Variants in PLEKHA6 observed in about 807,000 individuals in gnomAD.
PLEKHA6 encodes the protein pleckstrin homology domain-containing family A member 6.
PLEKHA6 carries 60 observed loss-of-function variants against 116.7 expected under a neutral mutation model. That is an observed-to-expected ratio of 0.51 (90% CI 0.42 to 0.64). The LOEUF is 0.64. Among genes scored for constraint, PLEKHA6 ranks in the 30% least tolerant of loss-of-function variants. PLEKHA6 has a pLI of 0.00. For synonymous variants in PLEKHA6, 489 were observed against 556.1 expected, an observed-to-expected ratio of 0.88 and a Z score of 1.70; for missense variants, 1,338 against 1,422.7, an observed-to-expected ratio of 0.94 and a Z score of 0.96.
At chr1:204,316,311 C>T (rs1462869460) in intron 1 of PLEKHA6, among the ~76,000 whole-genome samples, 1 of 152,166 alleles carries the variant, frequency 6.6e-6, no homozygotes, top group South Asian at 2.1e-4. Context: ...TTTCTCGATA[C>T]AGGATGTGGA....
At chr1:204,291,678 A>T (rs1669773958) in intron 1 of PLEKHA6, among the ~76,000 whole-genome samples, 1 of 152,250 alleles carries the variant, frequency 6.6e-6, no homozygotes, top group Non-Finnish European at 1.5e-5. Context: ...GCTTTCTTGA[A>T]ATAAAAGTAT....
intron 1 of PLEKHA6, among the ~76,000 whole-genome samples, chr1:204,291,815 G>A (rs1265153002): frequency 6.6e-6 from 1 of 152,078 alleles, no homozygotes; most frequent in African/African-American, 2.4e-5. Flanking sequence ...AAGAAACTGG[G>A]GAGTGATGGA....
At chr1:204,260,899 G>C (rs1666024352) in intron 7 of PLEKHA6, among the ~76,000 whole-genome samples, 1 of 152,228 alleles carries the variant, frequency 6.6e-6, no homozygotes, top group African/African-American at 2.4e-5. Flanking sequence ...CTCGGGTTCA[G>C]AGAGGGTGAG....
chr1:204,327,461 G>T (rs1051478422), intron 1 of PLEKHA6, among the ~76,000 whole-genome samples: 2 of 152,252 alleles, frequency 1.3e-5, no homozygotes, highest in African/African-American at 2.4e-5. Context: ...ATGCCGACGG[G>T]CCCCTTCTGG....
At chr1:204,324,268 G>T (rs1446961357) in intron 1 of PLEKHA6, among the ~76,000 whole-genome samples, 1 of 152,078 alleles carries the variant, frequency 6.6e-6, no homozygotes, top group Non-Finnish European at 1.5e-5. Context: ...GATCGTGAAG[G>T]GATTTTGAAG....
intron 2 of PLEKHA6, chr1:204,369,037 T>C (rs77780518): frequency 0.09 from 13,705 of 152,188 alleles, 727 homozygotes; most frequent in African/African-American, 0.14. Flanking sequence ...CCTGTATTTA[T>C]CAAGGGTCTA....
chr1:204,228,075 CCT>C lies in PLEKHA6; in HGVS notation c.3031+6_3031+7del. 6.2e-7 allele frequency: 1 copy of C among 1,611,126 alleles called. No individual in the cohort carries two copies. The highest frequency in any genetic ancestry group is 8.5e-7 in the Non-Finnish European group (1 of 1,178,754). On this transcript the variant is annotated splice_donor_region_variant and intron_variant, in intron 21 of 22. Transcript: ENST00000272203. The surrounding 1 kb of genome is among the most constrained non-coding windows in gnomAD (Gnocchi z 4.0). Reference sequence around the variant, plus strand: ...TGGCAGGGTGGAGCGAGGCCCAGCCCCTCTCACCAGACAGCATGCGGCCCCTG... The same window carrying C: ...TGGCAGGGTGGAGCGAGGCCCAGCCCCTCACCAGACAGCATGCGGCCCCTG...
chr1:204,284,211 G>C (rs1668932974), intron 1 of PLEKHA6, among the ~76,000 whole-genome samples: 1 of 152,220 alleles, frequency 6.6e-6, no homozygotes, highest in African/African-American at 2.4e-5. Context: ...AAACCAGCCA[G>C]AGCTGGAGAG....
At chr1:204,271,651 C>T (rs1169108727) in intron 3 of PLEKHA6, among the ~76,000 whole-genome samples, 17 of 152,182 alleles carry the variant, frequency 1.1e-4, no homozygotes, top group East Asian at 3.8e-4. Flanking sequence ...CCACTGACTC[C>T]TGAATATCCT....
intron 17 of PLEKHA6, among the ~76,000 whole-genome samples, chr1:204,236,028 C>T (rs1308328725): frequency 3.3e-5 from 5 of 152,148 alleles, no homozygotes; most frequent in African/African-American, 7.2e-5. Context: ...GAGAGTGTGA[C>T]CCATGAGGAG....
At chr1:204,256,762 G>A (rs867072970) in intron 9 of PLEKHA6, 12 of 559,694 alleles carry the variant, frequency 2.1e-5, no homozygotes, top group African/African-American at 1.7e-4. Context: ...AGCACGGTGC[G>A]GGGAGGCCCT....
chr1:204,346,457 T>C (rs1360998312), intron 1 of PLEKHA6, among the ~76,000 whole-genome samples: 1 of 152,082 alleles, frequency 6.6e-6, no homozygotes, highest in Non-Finnish European at 1.5e-5. Context: ...AAATGAGCCA[T>C]GACCACAGGG....
At chr1:204,303,449 GA>G (rs1267367389) in intron 1 of PLEKHA6, among the ~76,000 whole-genome samples, 1 of 152,164 alleles carries the variant, frequency 6.6e-6, no homozygotes, top group Non-Finnish European at 1.5e-5. Context: ...AAGTGTCCTA[GA>G]ATGAACCTCA....
At chr1:204,246,613 G>A (rs1663724671) in intron 13 of PLEKHA6, among the ~76,000 whole-genome samples, 1 of 152,164 alleles carries the variant, frequency 6.6e-6, no homozygotes. Context: ...CAGAGAGACA[G>A]GGCTTGCAAA....
chr1:204,252,457 A>G (rs1480676123), intron 9 of PLEKHA6, among the ~76,000 whole-genome samples: 1 of 151,976 alleles, frequency 6.6e-6, no homozygotes, highest in Non-Finnish European at 1.5e-5. Context: ...AAAAGTGAAG[A>G]TATCAGGGAA....
chr1:204,372,410 C>A (rs1255514192), intron 1 of PLEKHA6, among the ~76,000 whole-genome samples: 4 of 152,132 alleles, frequency 2.6e-5, no homozygotes, highest in African/African-American at 9.7e-5. Flanking sequence ...ACTTCCAGAG[C>A]CAGATGTGAT....
intron 2 of PLEKHA6, chr1:204,367,865 A>T (rs1449068261): frequency 6.6e-6 from 1 of 152,278 alleles, no homozygotes; most frequent in Non-Finnish European, 1.5e-5. Flanking sequence ...ACCTGTGAGG[A>T]AGCAAAATCA....
At chr1:204,358,216 T>C (rs1673468306) in intron 1 of PLEKHA6, among the ~76,000 whole-genome samples, 1 of 152,224 alleles carries the variant, frequency 6.6e-6, no homozygotes, top group Non-Finnish European at 1.5e-5. Context: ...TCTGTGCCCT[T>C]GTGCAAAGAC....
chr1:204,275,753 G>A (rs1667938854), intron 1 of PLEKHA6: 27 of 981,554 alleles, frequency 2.8e-5, no homozygotes, highest in South Asian at 9.4e-5. Context: ...TCCAGTAAGC[G>A]GTGACTACTT....
Sources: gnomAD v4.1 joint callset for allele counts (sites outside exome capture counted in the v4.1 genomes callset) on GRCh38, gnomAD v4.1.1 for gene constraint, Gnocchi (gnomAD v3.1) non-coding constraint, MANE v1.5 for transcripts, NCBI Gene and HGNC (gene_info 2026-07-23, HGNC 2026-07-21) for gene names.